Variants in SLC13A1 observed in about 807,000 individuals in gnomAD.
The protein encoded by SLC13A1 is Na(+)/sulfate cotransporter.
A neutral mutation model predicts 70.0 loss-of-function variants in SLC13A1; 65 were observed. The observed-to-expected ratio is 0.93, with a 90% CI of 0.76 to 1.14. The LOEUF is 1.14. Ranked by LOEUF, SLC13A1 falls within the 50% of genes most tolerant of loss-of-function variation. The probability of loss-of-function intolerance (pLI) is 0.00; values close to 1 mark genes in which losing one functional copy is unlikely to be tolerated. For missense variants in SLC13A1, 726 were observed against 717.8 expected, an observed-to-expected ratio of 1.01 and a Z score of -0.13; for synonymous variants, 275 against 250.5, an observed-to-expected ratio of 1.10 and a Z score of -0.92.
chr7:123,157,290 G>T (rs1385782905), intron 6 of SLC13A1, among the ~76,000 whole-genome samples: 1 of 151,798 alleles, frequency 6.6e-6, no homozygotes, highest in African/African-American at 2.4e-5. Flanking sequence ...TGAAGTTATC[G>T]GTAAGACTCT....
chr7:123,180,993 C>T lies in SLC13A1; in HGVS notation c.208G>A (p.Gly70Arg). Reference protein sequence around the residue: ...LLPSLMLPMFGIMPSKKVASA... With the variant: ...LLPSLMLPMFRIMPSKKVASA... ...CTTACCTTCTTAGAAGGCATGATCC[C>T]AAACATGGGTAACATTAAACTAGGT... Residue 70 changes from glycine to arginine, a missense_variant, in exon 2 of 15, where the codon GGG becomes AGG. Gly to Arg is a moderately radical substitution (Grantham distance 125, BLOSUM62 -2). Transcript: ENST00000194130. The T allele has an allele frequency of 6.2e-7, 1 of 1,611,842 alleles. No individual in the cohort carries two copies. Among genetic ancestry groups the T allele is most frequent in the South Asian group, 1.1e-5 (1 of 90,920 alleles).
At chr7:123,161,390 C>CCA (rs2116499141) in intron 6 of SLC13A1, among the ~76,000 whole-genome samples, 1 of 151,912 alleles carries the variant, frequency 6.6e-6, no homozygotes, top group South Asian at 2.1e-4. Flanking sequence ...TTATAAACAA[C>CCA]CACACACTAC....
At chr7:123,160,627 A>G (rs939473310) in intron 6 of SLC13A1, among the ~76,000 whole-genome samples, 1 of 152,184 alleles carries the variant, frequency 6.6e-6, no homozygotes, top group African/African-American at 2.4e-5. Context: ...GAACCTAATT[A>G]GTTAAAAATG....
chr7:123,199,470 C>G (rs1459234410), intron 1 of SLC13A1, among the ~76,000 whole-genome samples: 1 of 152,010 alleles, frequency 6.6e-6, no homozygotes, highest in Non-Finnish European at 1.5e-5. Context: ...ACCTCTGTCC[C>G]CAGCAATTGC....
chr7:123,162,641 T>G (rs1391400728), intron 6 of SLC13A1, among the ~76,000 whole-genome samples: 1 of 152,080 alleles, frequency 6.6e-6, no homozygotes, highest in Non-Finnish European at 1.5e-5. Context: ...CTAAAATACC[T>G]TTTTCATATC....
At chr7:123,119,593 G>A (rs1242322122) in intron 12 of SLC13A1, among the ~76,000 whole-genome samples, 2 of 151,910 alleles carry the variant, frequency 1.3e-5, no homozygotes, top group African/African-American at 2.4e-5. Flanking sequence ...CTATTCCTAA[G>A]TTATATTCTG....
chr7:123,143,202 G>C (rs1460002579), intron 7 of SLC13A1, among the ~76,000 whole-genome samples: 1 of 152,140 alleles, frequency 6.6e-6, no homozygotes, highest in Non-Finnish European at 1.5e-5. Flanking sequence ...AGTGAAGAGG[G>C]ATATGAGGAC....
chr7:123,134,578 T>A, intron 7 of SLC13A1, 49 bp from the exon 8 acceptor site: 1 of 1,575,042 alleles, frequency 6.3e-7, no homozygotes, highest in Non-Finnish European at 8.7e-7. Flanking sequence ...ACAGGTGGAA[T>A]CCTTTCTGAT....
chr7:123,131,012 G>C (rs946878969), intron 8 of SLC13A1, among the ~76,000 whole-genome samples: 5 of 152,096 alleles, frequency 3.3e-5, no homozygotes, highest in African/African-American at 1.2e-4. Flanking sequence ...GATTCTTATG[G>C]ATTATCTCTT....
At chr7:123,139,222 TGTAG>T (rs1280275393) in intron 7 of SLC13A1, among the ~76,000 whole-genome samples, 2 of 152,128 alleles carry the variant, frequency 1.3e-5, no homozygotes, top group Non-Finnish European at 2.9e-5. Flanking sequence ...ATGAGTTCAC[TGTAG>T]GTGTATGGAT....
At chr7:123,136,977 T>A (rs1222300958) in intron 7 of SLC13A1, among the ~76,000 whole-genome samples, 1 of 152,052 alleles carries the variant, frequency 6.6e-6, no homozygotes, top group Admixed American at 6.6e-5. Flanking sequence ...CTGTGGGTAA[T>A]GAGTGAAGGT....
intron 1 of SLC13A1, among the ~76,000 whole-genome samples, chr7:123,187,160 C>T (rs550321805): frequency 2.0e-5 from 3 of 152,172 alleles, no homozygotes; most frequent in East Asian, 3.9e-4. Context: ...AATGTCATGT[C>T]GCTTAACCCT....
intron 8 of SLC13A1, among the ~76,000 whole-genome samples, chr7:123,132,346 C>A (rs1303752307): frequency 6.6e-6 from 1 of 152,072 alleles, no homozygotes; most frequent in Non-Finnish European, 1.5e-5. Context: ...AGGCATGGAA[C>A]CACTACTGAT....
chr7:123,136,019 T>C (rs1002732136), intron 7 of SLC13A1, among the ~76,000 whole-genome samples: 3 of 152,238 alleles, frequency 2.0e-5, no homozygotes, highest in Admixed American at 2.0e-4. Flanking sequence ...GGAGAAAAGC[T>C]GATTTCCCAT....
chr7:123,138,767 A>G (rs1005883425), intron 7 of SLC13A1, among the ~76,000 whole-genome samples: 3 of 151,944 alleles, frequency 2.0e-5, no homozygotes, highest in Non-Finnish European at 4.4e-5. Context: ...GTATTATTAG[A>G]TTTTTCCATA....
chr7:123,161,515 A>C (rs997081589), intron 6 of SLC13A1, among the ~76,000 whole-genome samples: 4 of 152,214 alleles, frequency 2.6e-5, no homozygotes, highest in Non-Finnish European at 5.9e-5. Context: ...TTCTAAGTAC[A>C]TATGCCTTCC....
intron 6 of SLC13A1, among the ~76,000 whole-genome samples, chr7:123,155,526 CT>C (rs1203406178): frequency 6.6e-6 from 1 of 151,836 alleles, no homozygotes; most frequent in Non-Finnish European, 1.5e-5. Context: ...GCAAATTGCT[CT>C]TTTTTCTTTT....
At chr7:123,199,343 C>T (rs749592459) in intron 1 of SLC13A1, among the ~76,000 whole-genome samples, 4 of 152,052 alleles carry the variant, frequency 2.6e-5, no homozygotes, top group Non-Finnish European at 4.4e-5. Flanking sequence ...TTACTCTAAG[C>T]TTTCAATGTC....
At chr7:123,171,962 CA>C (rs1167453854) in intron 2 of SLC13A1, 58 bp from the exon 3 acceptor site, 1 of 1,501,096 alleles carries the variant, frequency 6.7e-7, no homozygotes, top group Non-Finnish European at 9.2e-7. Context: ...TAACATTGCA[CA>C]AGAAAGACAT....
Sources: gnomAD v4.1 joint callset for allele counts (sites outside exome capture counted in the v4.1 genomes callset) on GRCh38, gnomAD v4.1.1 for gene constraint, MANE v1.5 for transcripts, NCBI Gene and HGNC (gene_info 2026-07-23, HGNC 2026-07-21) for gene names.